The following BRD4 variants were observed in gnomAD, a reference collection of about 807,000 sequenced individuals.
BRD4 encodes bromodomain containing 4.
A neutral mutation model predicts 142.1 loss-of-function variants in BRD4; 16 were observed. The ratio of observed to expected loss-of-function variants is 0.11; its 90% CI spans 0.08 to 0.17. The LOEUF (loss-of-function observed/expected upper bound fraction) is 0.17, where lower values mean the gene tolerates loss of function less well. BRD4 is among the 10% of genes least tolerant of loss of function. The pLI is 1.00. For missense variants in BRD4, 1,424 were observed against 1,810.9 expected (o/e 0.79, Z 3.88); for synonymous variants, 833 against 707.5 (o/e 1.18, Z -2.82).
intron 1 of BRD4, among the ~76,000 whole-genome samples, chr19:15,287,327 C>T (rs1158739822): frequency 1.3e-5 from 2 of 151,948 alleles, no homozygotes; most frequent in African/African-American, 2.4e-5. Context: ...ACCACTTTAA[C>T]CATTTTTTAC....
At chr19:15,331,640 G>T (rs775939866) in intron 1 of BRD4, among the ~76,000 whole-genome samples, 1 of 152,096 alleles carries the variant, frequency 6.6e-6, no homozygotes, top group South Asian at 2.1e-4. Flanking sequence ...CCCTTTCTCC[G>T]CAGCACTCCG....
intron 14 of BRD4, among the ~76,000 whole-genome samples, chr19:15,240,551 C>A (rs1161559449): frequency 1.3e-5 from 2 of 152,192 alleles, no homozygotes; most frequent in Admixed American, 1.3e-4. Context: ...TCAGCCTGCA[C>A]GCCCCCACGG....
chr19:15,328,422 A>AC (rs2048128053), intron 1 of BRD4, among the ~76,000 whole-genome samples: 2 of 152,280 alleles, frequency 1.3e-5, no homozygotes, highest in East Asian at 3.9e-4. Flanking sequence ...AAAGCCACTC[A>AC]CCGCACTTCA....
chr19:15,287,858 C>T (rs1204510141), intron 1 of BRD4, among the ~76,000 whole-genome samples: 1 of 151,972 alleles, frequency 6.6e-6, no homozygotes, highest in Non-Finnish European at 1.5e-5. Flanking sequence ...CAACCTCCAC[C>T]TCCTGGGTTC....
At chr19:15,246,572 G>A (rs1386730291) in intron 11 of BRD4, 1 of 152,224 alleles carries the variant, frequency 6.6e-6, no homozygotes, top group Non-Finnish European at 1.5e-5. Context: ...GGATATGCTG[G>A]GGCTCGCCTG....
Position 15,238,536 on chromosome 19 carries a change from T to C in BRD4, c.4021-91A>G, listed in dbSNP as rs1368516863. On this transcript the variant is annotated intron_variant, in intron 19 of 19. Coordinates refer to ENST00000679869, the MANE Select transcript of BRD4 (RefSeq NM_001379291.1). This position sits in a 1 kb window ranked among gnomAD's most constrained non-coding sequence, Gnocchi z 7.2. ...TACCCGCTACCAGCAGTCAGCCCCGTAGCCCTCCCCGTGGCTGACCCCTCA... is the reference window on the plus strand; with the variant it reads ...TACCCGCTACCAGCAGTCAGCCCCGCAGCCCTCCCCGTGGCTGACCCCTCA... The C allele has an allele frequency of 2.3e-5, 36 of 1,598,272 alleles. No individual in the cohort carries two copies. The highest frequency in any genetic ancestry group is 4.5e-5 in the East Asian group (2 of 44,638).
chr19:15,255,179 ATT>A (rs1424994294), intron 10 of BRD4, 116 bp downstream of exon 10: 24 of 1,009,022 alleles, frequency 2.4e-5, no homozygotes, highest in Non-Finnish European at 3.2e-5. Flanking sequence ...GAACACAGAT[ATT>A]ATAATTGGAA....
At position 15,265,619 on chromosome 19, in the gene BRD4, G is replaced by A. The variant is rs201736007; in HGVS notation, c.584C>T (p.Thr195Met). 7.4e-6 allele frequency: 12 copies of A among 1,614,016 alleles called. No homozygotes were observed. Among genetic ancestry groups the A allele is most frequent in the African/African-American group, 1.3e-5 (1 of 74,896 alleles). The change falls in exon 5 of 20, where the codon ACG becomes ATG. Residue 195 changes from threonine (T) to methionine (M), a missense_variant. By Grantham distance (81) the Thr-to-Met change is moderately conservative. Transcript: ENST00000679869. ...ETGTAKPGVS[T>M]VPNTTQASTP... ...CGATGCTTGAGTTGTGTTTGGTACC[G>A]TGGAAACGCCAGGTTTTGCTGTCCC...
At chr19:15,293,240 G>C (rs185142664) in intron 1 of BRD4, among the ~76,000 whole-genome samples, 1 of 152,176 alleles carries the variant, frequency 6.6e-6, no homozygotes, top group African/African-American at 2.4e-5. Flanking sequence ...GCTTGTTAAA[G>C]ACACTAGAGT....
chr19:15,249,003 C>A, intron 11 of BRD4: 1 of 549,004 alleles, frequency 1.8e-6, no homozygotes, highest in Non-Finnish European at 3.3e-6. Context: ...ACCCAGAGGA[C>A]CCCAGAGAAC....
intron 1 of BRD4, among the ~76,000 whole-genome samples, chr19:15,287,475 G>C (rs1011845385): frequency 1.3e-5 from 2 of 152,052 alleles, no homozygotes; most frequent in African/African-American, 4.8e-5. Context: ...AAACTCCTGG[G>C]CTCAAGCAAT....
At chr19:15,303,711 T>C (rs1195650400) in intron 1 of BRD4, among the ~76,000 whole-genome samples, 2 of 152,248 alleles carry the variant, frequency 1.3e-5, no homozygotes, top group Non-Finnish European at 1.5e-5. Context: ...TAGTCTGTGT[T>C]CTGTTTTTGA....
At chr19:15,240,461 C>T (rs1203787082) in intron 14 of BRD4, among the ~76,000 whole-genome samples, 1 of 152,198 alleles carries the variant, frequency 6.6e-6, no homozygotes, top group African/African-American at 2.4e-5. Context: ...GCCTGGCCCA[C>T]CTGGATGATT....
intron 1 of BRD4, among the ~76,000 whole-genome samples, chr19:15,275,015 T>C (rs2047630943): frequency 6.6e-6 from 1 of 152,122 alleles, no homozygotes; most frequent in Admixed American, 6.5e-5. Flanking sequence ...TGTGCCACCA[T>C]GGCTGGCTAA....
In BRD4 at chr19:15,267,447, T is replaced by G; in HGVS notation, c.528A>C (p.Ala176=). The G allele has an allele frequency of 6.2e-7, 1 of 1,614,230 alleles. No individual in the cohort carries two copies. The highest frequency in any genetic ancestry group is 8.5e-7 in the Non-Finnish European group (1 of 1,180,036). Residue 176 remains alanine, a synonymous_variant, in exon 4 of 20, where the codon GCA becomes GCC. Coordinates refer to ENST00000679869, the MANE Select transcript of BRD4 (RefSeq NM_001379291.1). ...CTTTCCTCCCACGTCCTCTTCCTTT[T>G]GCCTGGACTATCATGATCTCGGTTT... is the stretch of plus-strand genomic sequence containing the variant. ...TEETEIMIVQ[A]KGRGRGRKET...
rs1331613863 is a variant in BRD4 at position 15,272,964 on chromosome 19, G to A, written c.136C>T (p.Pro46Ser). 5 of 1,614,104 alleles carry A rather than the reference G, an allele frequency of 3.1e-6. No homozygotes were observed. Among genetic ancestry groups the A allele is most frequent in the Non-Finnish European group, 4.2e-6 (5 of 1,180,048 alleles). ...QPANAASTNP[P>S]PPETSNPNKP... is the part of the protein sequence containing the mutation. ...TTAGGGTTGGAGGTCTCTGGGGGCG[G>A]GGGGTTGGTGCTGGCTGCGTTGGCT... The change falls in exon 2 of 20, where the codon CCG (proline) becomes TCG (serine). Residue 46 changes from proline to serine, a missense_variant. Coordinates refer to ENST00000679869, the MANE Select transcript of BRD4 (RefSeq NM_001379291.1).
intron 1 of BRD4, among the ~76,000 whole-genome samples, chr19:15,308,094 AGAGT>A (rs1466166863): frequency 2.3e-5 from 3 of 128,330 alleles, no homozygotes; most frequent in South Asian, 2.6e-4. Context: ...CCTGCACAAA[AGAGT>A]GAGTGAGACT....
At chr19:15,298,993 A>C (rs1026876935) in intron 1 of BRD4, among the ~76,000 whole-genome samples, 1 of 152,186 alleles carries the variant, frequency 6.6e-6, no homozygotes, top group Non-Finnish European at 1.5e-5. Context: ...TTCTGCCGGC[A>C]CAGAGCCCTT....
chr19:15,315,519 G>C (rs1461148362), intron 1 of BRD4, among the ~76,000 whole-genome samples: 1 of 152,082 alleles, frequency 6.6e-6, no homozygotes, highest in Non-Finnish European at 1.5e-5. Flanking sequence ...TTGGGGGGGG[G>C]AAGCACCCAT....
Sources: allele counts gnomAD v4.1 joint callset (sites outside exome capture counted in the v4.1 genomes callset), GRCh38; gene constraint gnomAD v4.1.1; non-coding constraint Gnocchi (gnomAD v3.1); transcripts MANE v1.5; gene names NCBI Gene and HGNC (gene_info 2026-07-23, HGNC 2026-07-21).